Variants in PEPD observed in about 807,000 individuals in gnomAD.
PEPD encodes the protein peptidase D, also known as xaa-Pro dipeptidase.
In PEPD, 53 loss-of-function variants were observed where a neutral mutation model predicts 60.7. The observed-to-expected ratio is 0.87, with a 90% CI of 0.70 to 1.10. PEPD has a LOEUF of 1.10. PEPD is among the 50% of genes least tolerant of loss of function. PEPD has a pLI of 0.00. For missense variants in PEPD, 711 were observed against 711.9 expected (o/e 1.00, Z 0.01); for synonymous variants, 267 against 284.1 (o/e 0.94, Z 0.60).
chr19:33,515,740 C>G (rs576732766), intron 1 of PEPD, among the ~76,000 whole-genome samples: 168 of 152,098 alleles, frequency 1.1e-3, no homozygotes, highest in Admixed American at 1.8e-3. Context: ...CCTCAGCCAC[C>G]AGCCTGCATA....
intron 7 of PEPD, among the ~76,000 whole-genome samples, chr19:33,475,834 T>C (rs756357052): frequency 3.3e-5 from 5 of 152,188 alleles, no homozygotes; most frequent in Non-Finnish European, 7.3e-5. Context: ...TATGAATCAT[T>C]TGCCTTTTAC....
chr19:33,505,145 G>A (rs955947379), intron 3 of PEPD, among the ~76,000 whole-genome samples: 1 of 152,196 alleles, frequency 6.6e-6, no homozygotes, highest in African/African-American at 2.4e-5. Flanking sequence ...CCACCTGCAT[G>A]CGATTAATGA....
intron 9 of PEPD, among the ~76,000 whole-genome samples, chr19:33,458,938 A>G (rs1157214858): frequency 8.5e-6 from 1 of 118,234 alleles, no homozygotes; most frequent in East Asian, 2.7e-4. Flanking sequence ...CCCTCTCCCC[A>G]GCCCATCTGT....
At chr19:33,443,442 T>A (rs1385276456) in intron 9 of PEPD, among the ~76,000 whole-genome samples, 1 of 152,208 alleles carries the variant, frequency 6.6e-6, no homozygotes, top group East Asian at 1.9e-4. Context: ...AACCAAAAAT[T>A]ATTATTCATT....
chr19:33,454,224 G>A (rs1260530726), intron 9 of PEPD, among the ~76,000 whole-genome samples: 2 of 152,158 alleles, frequency 1.3e-5, no homozygotes, highest in African/African-American at 2.4e-5. Flanking sequence ...AAGAGCCCTC[G>A]ATGCCCAAAG....
intron 1 of PEPD, among the ~76,000 whole-genome samples, chr19:33,516,233 C>A (rs1187465268): frequency 2.0e-5 from 3 of 152,146 alleles, no homozygotes; most frequent in Non-Finnish European, 4.4e-5. Flanking sequence ...TCAACACAGA[C>A]GAATTCTTCC....
chr19:33,390,604 C>T (rs971526675), intron 13 of PEPD, among the ~76,000 whole-genome samples: 42 of 148,078 alleles, frequency 2.8e-4, no homozygotes, highest in Non-Finnish European at 5.0e-4. Context: ...GGGATGGGAG[C>T]GCCCCAGCCG....
At chr19:33,493,379 A>G (rs977248060) in intron 4 of PEPD, 42 bp from the exon 5 acceptor site, 2 of 1,343,120 alleles carry the variant, frequency 1.5e-6, no homozygotes, top group South Asian at 1.2e-5. Context: ...AGGCACCACT[A>G]AGCCTAATGA....
chr19:33,406,548 G>A (rs1013683138), intron 11 of PEPD, among the ~76,000 whole-genome samples: 2 of 152,248 alleles, frequency 1.3e-5, no homozygotes, highest in African/African-American at 2.4e-5. Context: ...AAACAGCAAG[G>A]TGGTGGGGGA....
intron 5 of PEPD, among the ~76,000 whole-genome samples, chr19:33,491,027 T>C (rs956671015): frequency 4.6e-5 from 7 of 152,096 alleles, no homozygotes; most frequent in Non-Finnish European, 8.8e-5. Context: ...TAATTGTATA[T>C]CTAAATTGAA....
At chr19:33,516,722 T>G (rs992281537) in intron 1 of PEPD, among the ~76,000 whole-genome samples, 1 of 152,166 alleles carries the variant, frequency 6.6e-6, no homozygotes, top group African/African-American at 2.4e-5. Context: ...GGGAAAAAGC[T>G]GTACCTTTAT....
intron 9 of PEPD, among the ~76,000 whole-genome samples, chr19:33,457,950 C>T (rs915624329): frequency 3.3e-5 from 5 of 152,370 alleles, no homozygotes; most frequent in African/African-American, 1.2e-4. Flanking sequence ...GCTCCAACCC[C>T]GCCCCCAGCA....
At chr19:33,415,012 C>T (rs547501225) in intron 9 of PEPD, among the ~76,000 whole-genome samples, 3 of 152,204 alleles carry the variant, frequency 2.0e-5, no homozygotes, top group Non-Finnish European at 2.9e-5. Context: ...AGTCCAGGCA[C>T]GTTCCTACCA....
At chr19:33,498,394 A>C (rs1970648058) in intron 4 of PEPD, among the ~76,000 whole-genome samples, 1 of 152,100 alleles carries the variant, frequency 6.6e-6, no homozygotes, top group Non-Finnish European at 1.5e-5. Flanking sequence ...CCTAACACTC[A>C]AGGTGGCCTG....
rs1970916739 is a variant in PEPD at position 33,511,056 on chromosome 19, G to A, written c.301C>T (p.Pro101Ser). 8 of 1,613,946 alleles carry A rather than the reference G, an allele frequency of 5.0e-6. No individual in the cohort carries two copies. The South Asian group carries it at 8.8e-5, about 18-fold the overall frequency. ...CCCATCCAGGTGGCATGGCTGGCAG[G>A]AAGCCTGGGCACAAACAGGGTCGAC... ...GKSTLFVPRLPASHATWMGKI... is the reference protein window; with the variant it reads ...GKSTLFVPRLSASHATWMGKI... The change falls in exon 3 of 15, where the codon CCT (proline) becomes TCT (serine). Residue 101 changes from proline to serine, a missense_variant. Physicochemically the swap from Pro to Ser is moderately conservative, Grantham distance 74. Coordinates refer to ENST00000244137, the MANE Select transcript of PEPD (RefSeq NM_000285.4).
chr19:33,496,465 C>T (rs528158993), intron 4 of PEPD, among the ~76,000 whole-genome samples: 42 of 152,282 alleles, frequency 2.8e-4, no homozygotes, highest in Middle Eastern at 3.4e-3. Flanking sequence ...CTGCAAAAAC[C>T]TCTCCCGACC....
chr19:33,480,785 C>T (rs1970299266), intron 6 of PEPD, among the ~76,000 whole-genome samples: 1 of 150,818 alleles, frequency 6.6e-6, no homozygotes, highest in South Asian at 2.1e-4. Context: ...CACAGCAAGA[C>T]TCCGTTTCAA....
Position 33,521,733 on chromosome 19 carries a change from G to C in PEPD, c.17+11C>G. 1 of 1,580,170 alleles carries C rather than the reference G, an allele frequency of 6.3e-7. No homozygotes were observed. Among genetic ancestry groups the C allele is most frequent in the Non-Finnish European group, 8.6e-7 (1 of 1,168,282 alleles). On this transcript the variant is annotated intron_variant, in intron 1 of 14. Transcript: ENST00000244137. ...GCCAGCGGGAAAGAGCGAGGGAGGCGCAGCACTCACCCGGTGGCCGCCGCC... is the reference window on the plus strand; with the variant it reads ...GCCAGCGGGAAAGAGCGAGGGAGGCCCAGCACTCACCCGGTGGCCGCCGCC...
intron 4 of PEPD, among the ~76,000 whole-genome samples, chr19:33,493,585 C>T (rs1349988579): frequency 1.3e-5 from 2 of 152,206 alleles, no homozygotes; most frequent in East Asian, 1.9e-4. Context: ...CCCACCGCAC[C>T]GCCCTGCTTC....
Sources: allele counts gnomAD v4.1 joint callset (sites outside exome capture counted in the v4.1 genomes callset), GRCh38; gene constraint gnomAD v4.1.1; transcripts MANE v1.5; gene names NCBI Gene and HGNC (gene_info 2026-07-23, HGNC 2026-07-21).